Variants in ZFHX3 observed in about 807,000 individuals in gnomAD.
ZFHX3 encodes zinc finger homeobox protein 3.
In ZFHX3, 42 loss-of-function variants were observed where a neutral mutation model predicts 279.1. The observed-to-expected ratio is 0.15, with a 90% CI of 0.12 to 0.19. The LOEUF is 0.19. Among genes scored for constraint, ZFHX3 ranks in the 10% least tolerant of loss-of-function variants. The pLI, the probability that ZFHX3 is intolerant of heterozygous loss-of-function variation, is 1.00. For missense variants in ZFHX3, 4,981 were observed against 4,754.0 expected (o/e 1.05, Z -1.40); for synonymous variants, 2,293 against 1,957.8 (o/e 1.17, Z -4.52).
At chr16:73,571,098 A>G (rs1317888715) in intron 2 of ZFHX3, among the ~76,000 whole-genome samples, 1 of 152,152 alleles carries the variant, frequency 6.6e-6, no homozygotes, top group Non-Finnish European at 1.5e-5. Context: ...ATTTCTAAAA[A>G]TGGGAAATGG....
At chr16:72,951,764 G>A (rs1327915935) in intron 2 of ZFHX3, among the ~76,000 whole-genome samples, 1 of 152,230 alleles carries the variant, frequency 6.6e-6, no homozygotes, top group Non-Finnish European at 1.5e-5. Flanking sequence ...TGACCAACAT[G>A]ACTTTCTGCC....
At chr16:73,030,339 C>A (rs1178554053) in intron 1 of ZFHX3, among the ~76,000 whole-genome samples, 1 of 152,206 alleles carries the variant, frequency 6.6e-6, no homozygotes, top group Non-Finnish European at 1.5e-5. Context: ...TTCTCCTCCA[C>A]GCTGCCCCTT....
chr16:73,297,261 G>A (rs1248032623), intron 4 of ZFHX3, among the ~76,000 whole-genome samples: 1 of 151,936 alleles, frequency 6.6e-6, no homozygotes, highest in Non-Finnish European at 1.5e-5. Flanking sequence ...TGCCAAGCTC[G>A]CAAGTGGTGG....
intron 2 of ZFHX3, among the ~76,000 whole-genome samples, chr16:73,565,214 A>G (rs1159752581): frequency 1.3e-5 from 2 of 151,848 alleles, no homozygotes; most frequent in African/African-American, 2.4e-5. Context: ...AGATAGTGCC[A>G]TTTCACTCTG....
chr16:73,054,613 G>C (rs1215664368), intron 1 of ZFHX3, among the ~76,000 whole-genome samples: 2 of 152,022 alleles, frequency 1.3e-5, no homozygotes, highest in Admixed American at 1.3e-4. Flanking sequence ...AGACAATACA[G>C]GGGAAGAGAG....
chr16:73,623,240 G>T (rs188697017), intron 2 of ZFHX3, among the ~76,000 whole-genome samples: 2 of 152,090 alleles, frequency 1.3e-5, no homozygotes, highest in African/African-American at 4.8e-5. Context: ...GTTTCACCAT[G>T]TTAGCAAGGA....
chr16:73,144,483 GA>G (rs1343574819), intron 5 of ZFHX3: 1 of 152,228 alleles, frequency 6.6e-6, no homozygotes, highest in African/African-American at 2.4e-5. Flanking sequence ...TTAAGCCAGG[GA>G]AGGAAAAGCC....
At chr16:73,038,881 T>A (rs1449478475) in intron 1 of ZFHX3, among the ~76,000 whole-genome samples, 1 of 151,872 alleles carries the variant, frequency 6.6e-6, no homozygotes, top group African/African-American at 2.4e-5. Flanking sequence ...CAATGCAGCC[T>A]CTACTTCCTG....
At chr16:73,354,262 G>A (rs1379649911) in intron 3 of ZFHX3, among the ~76,000 whole-genome samples, 1 of 152,206 alleles carries the variant, frequency 6.6e-6, no homozygotes, top group Non-Finnish European at 1.5e-5. Context: ...GGCATCCCTA[G>A]ACAGAGGCAT....
chr16:73,045,614 G>A (rs1056769984), intron 1 of ZFHX3, among the ~76,000 whole-genome samples: 7 of 150,774 alleles, frequency 4.6e-5, no homozygotes, highest in African/African-American at 1.7e-4. Context: ...TAAGTTTCAG[G>A]TGGTTGGGGA....
intron 5 of ZFHX3, among the ~76,000 whole-genome samples, chr16:73,207,245 C>T (rs77404513): frequency 0.014 from 2,147 of 152,150 alleles, 60 homozygotes; most frequent in African/African-American, 0.049. Flanking sequence ...AGACGACACA[C>T]GGTTCTAGAG....
At chr16:72,921,354 A>G (rs1352767364) in intron 3 of ZFHX3, among the ~76,000 whole-genome samples, 1 of 152,202 alleles carries the variant, frequency 6.6e-6, no homozygotes, top group Non-Finnish European at 1.5e-5. Context: ...CCCATGGCGA[A>G]AAATGCTTGC....
At chr16:73,537,166 G>A (rs544901872) in intron 2 of ZFHX3, among the ~76,000 whole-genome samples, 69 of 152,044 alleles carry the variant, frequency 4.5e-4, no homozygotes, top group Non-Finnish European at 7.9e-4. Context: ...TGATGCTTTG[G>A]GCTGATGCTT....
At chr16:73,239,217 A>G (rs891526439) in intron 5 of ZFHX3, among the ~76,000 whole-genome samples, 1 of 152,252 alleles carries the variant, frequency 6.6e-6, no homozygotes, top group Non-Finnish European at 1.5e-5. Flanking sequence ...AGGGAAATAC[A>G]GCGACCGTTT....
At chr16:72,851,874 A>G (rs1459095064) in intron 4 of ZFHX3, among the ~76,000 whole-genome samples, 3 of 152,200 alleles carry the variant, frequency 2.0e-5, no homozygotes, top group Non-Finnish European at 4.4e-5. Flanking sequence ...AAATGCTGTA[A>G]TAATAAGGCA....
At chr16:73,364,775 G>T (rs944990009) in intron 3 of ZFHX3, among the ~76,000 whole-genome samples, 13 of 152,276 alleles carry the variant, frequency 8.5e-5, no homozygotes, top group African/African-American at 3.1e-4. Flanking sequence ...ATCTCCCTTT[G>T]TCTCCCATCT....
chr16:73,264,809 C>G (rs903662810), intron 4 of ZFHX3, among the ~76,000 whole-genome samples: 1 of 152,042 alleles, frequency 6.6e-6, no homozygotes, highest in Non-Finnish European at 1.5e-5. Context: ...GCTTAGCTCT[C>G]ACTTATGAAT....
intron 5 of ZFHX3, among the ~76,000 whole-genome samples, chr16:73,173,008 G>GTTTTTTTTTTTTTTTTTTTTT (rs869289153): frequency 3.2e-4 from 16 of 49,950 alleles, no homozygotes; most frequent in South Asian, 1.1e-3. Context: ...TTTTTTTTTT[G>GTTTTTTTTTTTTTTTTTTTTT]TTTTTTTTTT....
intron 2 of ZFHX3, among the ~76,000 whole-genome samples, chr16:73,549,845 G>T (rs186673662): frequency 6.7e-6 from 1 of 150,310 alleles, no homozygotes; most frequent in Admixed American, 6.6e-5. Flanking sequence ...TCGGACGAGC[G>T]CTACATTTGA....
Sources: gnomAD v4.1 joint callset for allele counts (sites outside exome capture counted in the v4.1 genomes callset) on GRCh38, gnomAD v4.1.1 for gene constraint, MANE v1.5 for transcripts, NCBI Gene and HGNC (gene_info 2026-07-23, HGNC 2026-07-21) for gene names.